PCNX2: variants seen among roughly 807,000 people sequenced by gnomAD.
PCNX2 encodes the protein pecanex 2, also known as pecanex-like protein 2.
PCNX2 carries 168 observed loss-of-function variants against 223.8 expected under a neutral mutation model. The observed-to-expected ratio is 0.75, with a 90% CI of 0.66 to 0.85. The LOEUF (loss-of-function observed/expected upper bound fraction) is 0.85. Among genes scored for constraint, PCNX2 ranks in the 40% least tolerant of loss-of-function variants. The pLI is 0.00. For missense variants in PCNX2, 2,507 were observed against 2,675.5 expected (o/e 0.94, Z 1.39); for synonymous variants, 1,006 against 1,052.6 (o/e 0.96, Z 0.86).
intron 2 of PCNX2, among the ~76,000 whole-genome samples, chr1:233,262,395 T>C (rs995974481): frequency 2.0e-5 from 3 of 152,132 alleles, no homozygotes; most frequent in South Asian, 2.1e-4. Context: ...TGGACTCAAG[T>C]GATCCTCCCA....
At chr1:233,152,763 G>A (rs1677893047) in intron 19 of PCNX2, among the ~76,000 whole-genome samples, 1 of 152,170 alleles carries the variant, frequency 6.6e-6, no homozygotes. Context: ...GCCTCCCAAG[G>A]CACAAAGTCA....
intron 1 of PCNX2, chr1:233,290,759 A>G: frequency 1.0e-6 from 1 of 985,304 alleles, no homozygotes; most frequent in South Asian, 4.7e-5. Flanking sequence ...CTCTAAGATT[A>G]AATTTTAAAA....
At chr1:233,065,251 A>C (rs1672553054) in intron 23 of PCNX2, among the ~76,000 whole-genome samples, 1 of 152,202 alleles carries the variant, frequency 6.6e-6, no homozygotes, top group Non-Finnish European at 1.5e-5. Context: ...GCTCACAGGC[A>C]GCCATATGGA....
At position 233,028,622 on chromosome 1, in the gene PCNX2, T is replaced by C. The variant is rs575920614; in HGVS notation, c.4352-3223A>G. ...GCACAAAACAAATAGGTGTGAGGGT[T>C]CCTAAGACTCTCCAGATCTTTATAG... On this transcript the variant is annotated intron_variant, in intron 25 of 33. Transcript: ENST00000258229. Among the ~76,000 whole-genome samples, 14 of 152,278 alleles carry C rather than the reference T, an allele frequency of 9.2e-5. No homozygotes were observed. The South Asian group carries it at 2.1e-3, about 23-fold the overall frequency.
chr1:233,294,726 T>G (rs1328542138), intron 1 of PCNX2, among the ~76,000 whole-genome samples: 2 of 152,198 alleles, frequency 1.3e-5, no homozygotes, highest in African/African-American at 2.4e-5. Context: ...CACTAAAATG[T>G]CAAGCCCCAT....
the PCNX2 span, among the ~76,000 whole-genome samples, chr1:233,317,906 T>C: frequency 1.3e-5 from 2 of 152,246 alleles, no homozygotes; most frequent in African/African-American, 4.8e-5. Context: ...GAAGCCAAGA[T>C]TGGAGTCCAT....
chr1:233,188,862 C>G (rs1265479338), intron 15 of PCNX2, among the ~76,000 whole-genome samples: 1 of 152,100 alleles, frequency 6.6e-6, no homozygotes, highest in Non-Finnish European at 1.5e-5. Context: ...TTAAAGTTAC[C>G]TGATTAGGGA....
chr1:233,099,410 T>C (rs1417149280), intron 21 of PCNX2, among the ~76,000 whole-genome samples: 1 of 152,200 alleles, frequency 6.6e-6, no homozygotes, highest in Non-Finnish European at 1.5e-5. Context: ...TGATCTGCCC[T>C]GAAACATCCT....
chr1:233,231,005 C>T (rs2102952049), intron 9 of PCNX2, among the ~76,000 whole-genome samples: 1 of 152,224 alleles, frequency 6.6e-6, no homozygotes, highest in Non-Finnish European at 1.5e-5. Flanking sequence ...GTAATTGCCA[C>T]CAACTAGTAA....
intron 23 of PCNX2, among the ~76,000 whole-genome samples, chr1:233,068,280 CAG>C (rs1299823874): frequency 6.6e-6 from 1 of 151,786 alleles, no homozygotes; most frequent in Non-Finnish European, 1.5e-5. Context: ...GAAAAACTAA[CAG>C]AATGTATCAA....
intron 26 of PCNX2, 61 bp from the exon 27 acceptor site, chr1:233,017,215 C>T (rs1410014785): frequency 1.0e-6 from 1 of 954,022 alleles, no homozygotes; most frequent in African/African-American, 3.1e-5. Flanking sequence ...GTAAATCAAC[C>T]TCAGGAAAGT....
chr1:233,158,501 T>C (rs1326204956), intron 19 of PCNX2, among the ~76,000 whole-genome samples: 2 of 152,086 alleles, frequency 1.3e-5, no homozygotes, highest in African/African-American at 2.4e-5. Flanking sequence ...AAGGTATAGA[T>C]ACAGGTACAG....
At chr1:233,260,136 A>G (rs895006444) in intron 4 of PCNX2, among the ~76,000 whole-genome samples, 2 of 152,198 alleles carry the variant, frequency 1.3e-5, no homozygotes, top group Non-Finnish European at 2.9e-5. Flanking sequence ...AGATTTGACT[A>G]AGGAAAAAAC....
In PCNX2 at chr1:233,267,815, G is replaced by A. The variant is rs966551312; in HGVS notation, c.154-4652C>T. Among the ~76,000 whole-genome samples the A allele has an allele frequency of 7.2e-5, 11 of 152,112 alleles. No individual in the cohort carries two copies. In the East Asian group the frequency reaches 1.2e-3, roughly 16 times the overall value. ...CTACCTTTTGGCTACTGTGAATAACGCTGCTCTCAACATGGGTGTACACAT... is the reference window on the plus strand; with the variant it reads ...CTACCTTTTGGCTACTGTGAATAACACTGCTCTCAACATGGGTGTACACAT... On this transcript the variant is annotated intron_variant, in intron 1 of 33. Coordinates refer to ENST00000258229, the MANE Select transcript of PCNX2 (RefSeq NM_014801.4).
intron 21 of PCNX2, among the ~76,000 whole-genome samples, chr1:233,132,312 C>T (rs1056566320): frequency 6.6e-6 from 1 of 152,126 alleles, no homozygotes; most frequent in Non-Finnish European, 1.5e-5. Flanking sequence ...CACAGGATGT[C>T]GCTGAGTGTC....
intron 23 of PCNX2, among the ~76,000 whole-genome samples, chr1:233,071,369 T>A (rs1289096472): frequency 6.6e-6 from 1 of 152,204 alleles, no homozygotes; most frequent in Non-Finnish European, 1.5e-5. Flanking sequence ...GTCCATGTGG[T>A]CTCATCATTT....
At chr1:233,063,940 A>G (rs1672496875) in intron 23 of PCNX2, among the ~76,000 whole-genome samples, 1 of 152,042 alleles carries the variant, frequency 6.6e-6, no homozygotes, top group South Asian at 2.1e-4. Flanking sequence ...TTTAATGACT[A>G]TATGCATTTA....
At chr1:233,133,628 G>A (rs1676636301) in intron 21 of PCNX2, among the ~76,000 whole-genome samples, 1 of 152,192 alleles carries the variant, frequency 6.6e-6, no homozygotes, top group African/African-American at 2.4e-5. Flanking sequence ...GGCCAAGGTA[G>A]GAGAATCACT....
chr1:233,231,545 G>A (rs746349326), intron 9 of PCNX2: 14 of 757,720 alleles, frequency 1.8e-5, no homozygotes, highest in Non-Finnish European at 2.2e-5. Context: ...TTAAATTATT[G>A]GCCTGTTTTC....
Sources: gnomAD v4.1 joint callset for allele counts (sites outside exome capture counted in the v4.1 genomes callset) on GRCh38, gnomAD v4.1.1 for gene constraint, MANE v1.5 for transcripts, NCBI Gene and HGNC (gene_info 2026-07-23, HGNC 2026-07-21) for gene names.